The following RARB variants were observed in gnomAD, a reference collection of about 807,000 sequenced individuals.
RARB encodes HBV-activated protein.
Under a neutral mutation model 51.9 loss-of-function variants are expected in RARB, and 17 were observed. The observed-to-expected ratio is 0.33, with a 90% confidence interval of 0.22 to 0.49. The LOEUF (loss-of-function observed/expected upper bound fraction) is 0.49, where lower values mean the gene tolerates loss of function less well. RARB is among the 20% of genes least tolerant of loss of function. RARB has a pLI of 0.99. For synonymous variants in RARB, 215 were observed against 195.4 expected, an observed-to-expected ratio of 1.10 and a Z score of -0.84; for missense variants, 369 against 550.8, an observed-to-expected ratio of 0.67 and a Z score of 3.30.
intron 3 of RARB, among the ~76,000 whole-genome samples, chr3:25,095,290 A>G (rs975231369): frequency 6.6e-6 from 1 of 152,188 alleles, no homozygotes; most frequent in Non-Finnish European, 1.5e-5. Context: ...CATCTCTTTC[A>G]AGAGAATAGG....
At chr3:25,002,740 G>A (rs907560838) in intron 2 of RARB, among the ~76,000 whole-genome samples, 30 of 97,762 alleles carry the variant, frequency 3.1e-4, no homozygotes, top group African/African-American at 1.3e-3. Flanking sequence ...GTATATAAAA[G>A]ACATATTCTG....
At chr3:25,208,252 C>T (rs12485789) in intron 5 of RARB, among the ~76,000 whole-genome samples, 74,814 of 151,926 alleles carry the variant, frequency 0.49, 19,078 homozygotes, top group East Asian at 0.68. Context: ...TTTTATTGTT[C>T]TGAATGAGAC....
chr3:25,163,399 G>A (rs1251278839), intron 4 of RARB, among the ~76,000 whole-genome samples: 1 of 151,612 alleles, frequency 6.6e-6, no homozygotes, highest in African/African-American at 2.4e-5. Context: ...CAGCTACTCA[G>A]GAGGCTGAGG....
intron 2 of RARB, among the ~76,000 whole-genome samples, chr3:24,917,590 G>C (rs1224547494): frequency 6.6e-6 from 1 of 152,214 alleles, no homozygotes; most frequent in Non-Finnish European, 1.5e-5. Flanking sequence ...GAGTACAGTG[G>C]TGCGATCTCT....
intron 5 of RARB, among the ~76,000 whole-genome samples, chr3:25,199,569 A>T (rs1384868289): frequency 6.6e-6 from 1 of 152,112 alleles, no homozygotes; most frequent in Non-Finnish European, 1.5e-5. Flanking sequence ...TGTCATTTAC[A>T]TTAGGTATAT....
intron 3 of RARB, among the ~76,000 whole-genome samples, chr3:25,096,176 G>C (rs1699288824): frequency 6.6e-6 from 1 of 152,120 alleles, no homozygotes; most frequent in South Asian, 2.1e-4. Flanking sequence ...TATTTTTCAA[G>C]TGTCTCCCAC....
rs893285624 is a variant in RARB at position 25,588,824 on chromosome 3, A to C, written c.787-4679A>C. Among the ~76,000 whole-genome samples the C allele has an allele frequency of 2.6e-5, 4 of 152,146 alleles. No homozygotes were observed. In the East Asian group the frequency reaches 7.7e-4, roughly 29 times the overall value. ...GGGGCTGGTTAACTGTCCTCTTGAA[A>C]TGTCAGCTAGCTTCCCCAGAGCAAG... On this transcript the variant is annotated intron_variant, in intron 5 of 7. Coordinates refer to ENST00000330688, the MANE Select transcript of RARB (RefSeq NM_000965.5).
At chr3:25,001,091 A>G (rs1162849911) in intron 2 of RARB, among the ~76,000 whole-genome samples, 1 of 152,090 alleles carries the variant, frequency 6.6e-6, no homozygotes, top group Non-Finnish European at 1.5e-5. Flanking sequence ...ATGCTGTGTC[A>G]AATGTTGAGA....
intron 2 of RARB, among the ~76,000 whole-genome samples, chr3:25,482,738 A>C (rs1487876880): frequency 6.6e-6 from 1 of 151,346 alleles, no homozygotes; most frequent in Non-Finnish European, 1.5e-5. Flanking sequence ...ACGGGGTTTC[A>C]CCATGTTAGC....
chr3:24,954,974 C>T (rs1487050540), intron 2 of RARB, among the ~76,000 whole-genome samples: 1 of 152,110 alleles, frequency 6.6e-6, no homozygotes. Flanking sequence ...CTAGCAGTTG[C>T]TGTCCATGGA....
intron 2 of RARB, among the ~76,000 whole-genome samples, chr3:24,899,149 G>C (rs939511976): frequency 1.3e-5 from 2 of 152,170 alleles, no homozygotes; most frequent in African/African-American, 4.8e-5. Flanking sequence ...CAATGAAAAT[G>C]TATAGGTCTT....
At chr3:25,285,717 CTA>C (rs1703633870) in intron 5 of RARB, among the ~76,000 whole-genome samples, 1 of 152,176 alleles carries the variant, frequency 6.6e-6, no homozygotes, top group South Asian at 2.1e-4. Context: ...CGCAGTGTGA[CTA>C]TGCCCATTTT....
chr3:25,173,500 A>G (rs78176254), intron 4 of RARB, among the ~76,000 whole-genome samples: 24 of 152,280 alleles, frequency 1.6e-4, no homozygotes, highest in African/African-American at 5.3e-4. Flanking sequence ...ATATTTTACT[A>G]TCTCTCTCAT....
chr3:25,195,788 T>A (rs962157273), intron 5 of RARB, among the ~76,000 whole-genome samples: 15 of 152,144 alleles, frequency 9.9e-5, no homozygotes, highest in South Asian at 8.3e-4. Flanking sequence ...CTAATCAGAT[T>A]TTAAAAGAAA....
At chr3:25,515,507 TG>T (rs1017323676) in intron 3 of RARB, among the ~76,000 whole-genome samples, 7 of 151,944 alleles carry the variant, frequency 4.6e-5, no homozygotes, top group African/African-American at 1.5e-4. Flanking sequence ...AGTCCAATCC[TG>T]GGGGGGAGGG....
intron 3 of RARB, among the ~76,000 whole-genome samples, chr3:25,108,162 C>T (rs777744311): frequency 2.0e-5 from 3 of 152,116 alleles, no homozygotes; most frequent in Non-Finnish European, 4.4e-5. Flanking sequence ...CCACATACTA[C>T]TCAGTCCACA....
chr3:24,889,514 T>C (rs1703334678), intron 2 of RARB, among the ~76,000 whole-genome samples: 1 of 152,176 alleles, frequency 6.6e-6, no homozygotes, highest in African/African-American at 2.4e-5. Flanking sequence ...AATTTTTACA[T>C]TGATGAAATT....
intron 3 of RARB, among the ~76,000 whole-genome samples, chr3:25,510,104 G>A (rs1442323754): frequency 1.3e-5 from 2 of 152,222 alleles, no homozygotes; most frequent in Admixed American, 1.3e-4. Context: ...GTTATCCCAT[G>A]CAGCAGATAG....
At chr3:25,074,778 T>G (rs2125310139) in intron 3 of RARB, among the ~76,000 whole-genome samples, 1 of 152,316 alleles carries the variant, frequency 6.6e-6, no homozygotes, top group Middle Eastern at 3.4e-3. Context: ...CCAGCCTCAC[T>G]TTTGTAACCT....
Sources: gnomAD v4.1 joint callset for allele counts (sites outside exome capture counted in the v4.1 genomes callset) on GRCh38, gnomAD v4.1.1 for gene constraint, MANE v1.5 for transcripts, NCBI Gene and HGNC (gene_info 2026-07-23, HGNC 2026-07-21) for gene names.